The following MDGA2 variants were observed in gnomAD, a reference collection of about 807,000 sequenced individuals.
MDGA2 encodes the protein MAM domain containing glycosylphosphatidylinositol anchor 2, also known as MAM domain-containing glycosylphosphatidylinositol anchor protein 2.
Under a neutral mutation model 117.8 loss-of-function variants are expected in MDGA2, and 40 were observed. That is an observed-to-expected ratio of 0.34 (90% CI 0.26 to 0.44). MDGA2 has a LOEUF of 0.44. Among genes scored for constraint, MDGA2 ranks in the 20% least tolerant of loss-of-function variants. MDGA2 has a pLI of 1.00. For synonymous variants in MDGA2, 452 were observed against 439.0 expected, an observed-to-expected ratio of 1.03 and a Z score of -0.37; for missense variants, 1,123 against 1,250.6, an observed-to-expected ratio of 0.90 and a Z score of 1.54.
chr14:47,651,275 C>T (rs1205747007), intron 1 of MDGA2, among the ~76,000 whole-genome samples: 1 of 150,370 alleles, frequency 6.7e-6, no homozygotes, highest in Admixed American at 6.7e-5. Context: ...CCTATACACA[C>T]ATATCCTATT....
At chr14:47,300,986 C>T (rs917737303) in intron 2 of MDGA2, among the ~76,000 whole-genome samples, 3 of 151,958 alleles carry the variant, frequency 2.0e-5, no homozygotes, top group Admixed American at 2.0e-4. Context: ...TATGTGTGAC[C>T]TCATGCTTCA....
intron 1 of MDGA2, among the ~76,000 whole-genome samples, chr14:47,597,513 T>C (rs1896565920): frequency 6.6e-6 from 1 of 152,062 alleles, no homozygotes; most frequent in South Asian, 2.1e-4. Context: ...TGTCATGGAA[T>C]ACATTAAGTC....
intron 8 of MDGA2, among the ~76,000 whole-genome samples, chr14:47,009,126 T>C (rs978807389): frequency 6.6e-6 from 1 of 152,012 alleles, no homozygotes; most frequent in Admixed American, 6.6e-5. Context: ...AATAAAATGG[T>C]ACAGTATAGC....
intron 9 of MDGA2, among the ~76,000 whole-genome samples, chr14:46,942,671 G>C (rs538458106): frequency 6.6e-6 from 1 of 152,174 alleles, no homozygotes; most frequent in South Asian, 2.1e-4. Flanking sequence ...TGCACTTTCT[G>C]TATTTGGTTC....
chr14:47,247,684 G>A (rs562393357), intron 2 of MDGA2, among the ~76,000 whole-genome samples: 175 of 149,786 alleles, frequency 1.2e-3, no homozygotes, highest in African/African-American at 4.0e-3. Flanking sequence ...GGATACATGT[G>A]CAGAATGTGC....
At position 47,675,556 on chromosome 14, in the gene MDGA2, C is replaced by T. The variant is rs1472876322; in HGVS notation, c.-760G>A. On this transcript the variant is annotated 5_prime_UTR_variant, in exon 1 of 17. Transcript: ENST00000399232. ...TGCTCTGGCCGGCCGCACCAATTCC[C>T]GGAGCCGAAAGCAGAGTCCAGGCAC... Among the ~76,000 whole-genome samples, 1 of 152,122 alleles carries T rather than the reference C, an allele frequency of 6.6e-6. No individual in the cohort carries two copies. The highest frequency in any genetic ancestry group is 2.4e-5 in the African/African-American group (1 of 41,438).
intron 8 of MDGA2, among the ~76,000 whole-genome samples, chr14:46,963,459 G>A (rs1435542802): frequency 6.6e-6 from 1 of 152,232 alleles, no homozygotes; most frequent in East Asian, 1.9e-4. Flanking sequence ...GGTCCTGCAA[G>A]TTCTGGCTCT....
intron 6 of MDGA2, 108 bp downstream of exon 6, chr14:47,096,746 T>A: frequency 9.3e-7 from 1 of 1,078,004 alleles, no homozygotes; most frequent in Non-Finnish European, 1.4e-6. Context: ...TATCTGTATT[T>A]TACAGATACA....
intron 1 of MDGA2, among the ~76,000 whole-genome samples, chr14:47,370,496 T>TTTTTTTTTTTTTTTTTTTTTC (rs1891329334): frequency 9.9e-6 from 1 of 101,076 alleles, no homozygotes; most frequent in Admixed American, 1.1e-4. Flanking sequence ...TTTTTTTTTT[T>TTTTTTTTTTTTTTTTTTTTTC]TTGTGTGTGT....
intron 1 of MDGA2, among the ~76,000 whole-genome samples, chr14:47,487,009 T>A (rs1220240823): frequency 1.3e-5 from 2 of 152,236 alleles, no homozygotes; most frequent in African/African-American, 2.4e-5. Context: ...AGATAGTTTA[T>A]GCATTTATTA....
intron 1 of MDGA2, among the ~76,000 whole-genome samples, chr14:47,403,433 T>C (rs1892196132): frequency 1.3e-5 from 2 of 148,970 alleles, no homozygotes; most frequent in Non-Finnish European, 3.0e-5. Flanking sequence ...ATCACATTCA[T>C]GGTCAATATT....
At chr14:47,602,092 G>C (rs529386851) in intron 1 of MDGA2, among the ~76,000 whole-genome samples, 3 of 152,126 alleles carry the variant, frequency 2.0e-5, no homozygotes, top group Non-Finnish European at 2.9e-5. Flanking sequence ...CTCCTCTCGG[G>C]ACTGAAAACT....
At chr14:47,653,557 C>T (rs905061309) in intron 1 of MDGA2, among the ~76,000 whole-genome samples, 11 of 152,108 alleles carry the variant, frequency 7.2e-5, no homozygotes, top group Admixed American at 7.2e-4. Flanking sequence ...AAACCAGTAA[C>T]AAACCAAACC....
Position 47,061,256 on chromosome 14 carries a change from G to T in MDGA2, c.1518C>A (p.Ser506Arg). 6.2e-7 allele frequency: 1 copy of T among 1,611,912 alleles called. No homozygotes were observed. Among genetic ancestry groups the T allele is most frequent in the Non-Finnish European group, 8.5e-7 (1 of 1,178,342 alleles). ...TAAATATATGCCTCTTACCTGTGCTGCTGGATATATTAACATCGATACTGA... is the reference window on the plus strand; with the variant it reads ...TAAATATATGCCTCTTACCTGTGCTTCTGGATATATTAACATCGATACTGA... Reference protein sequence around the residue: ...SDISIDVNISSSTVPPNLTVP... With the variant: ...SDISIDVNISRSTVPPNLTVP... Residue 506 changes from serine to arginine, a missense_variant, in exon 7 of 17, where the codon AGC (serine) becomes AGA (arginine). By Grantham distance (110) the Ser-to-Arg change is moderately radical. This residue lies in a region of MDGA2 where 890 missense variants were observed against 1,050.3 expected (regional missense o/e 0.85). Coordinates refer to ENST00000399232, the MANE Select transcript of MDGA2 (RefSeq NM_001113498.3).
In MDGA2 at chr14:47,494,875, ATT is replaced by A. The variant is rs1491370163; in HGVS notation, c.280+179640_280+179641del. Among the ~76,000 whole-genome samples the A allele has an allele frequency of 4.5e-4, 48 of 105,782 alleles. 1 individual carries two copies. The highest frequency in any genetic ancestry group is 1.5e-3 in the African/African-American group (45 of 30,870). The allele number at this position is 105,782 out of a possible 152,430, so 69.4% of individuals were successfully genotyped here. A position where few individuals can be genotyped will look rare whatever the true frequency, so the allele number is the denominator to read the frequency against. The stretch of plus-strand genomic sequence containing the variant: ...ACTGTTGACTGAATTTTAAAATGTG[ATT>A]ATATATATATATATATGTAAAATAT... On this transcript the variant is annotated intron_variant, in intron 1 of 16. Coordinates refer to ENST00000399232, the MANE Select transcript of MDGA2 (RefSeq NM_001113498.3).
chr14:47,546,142 T>C (rs1245729068), intron 1 of MDGA2, among the ~76,000 whole-genome samples: 2 of 152,090 alleles, frequency 1.3e-5, no homozygotes, highest in East Asian at 3.8e-4. Context: ...GAAGAGAAGT[T>C]ACAGATGGGG....
intron 1 of MDGA2, among the ~76,000 whole-genome samples, chr14:47,640,095 T>C (rs377467963): frequency 3.3e-5 from 5 of 152,326 alleles, no homozygotes; most frequent in African/African-American, 1.2e-4. Flanking sequence ...CTCTCTTGAC[T>C]GGGAGCGTCT....
At chr14:46,918,063 A>G (rs962843589) in intron 10 of MDGA2, among the ~76,000 whole-genome samples, 4 of 152,222 alleles carry the variant, frequency 2.6e-5, no homozygotes, top group African/African-American at 4.8e-5. Flanking sequence ...GGTAAATTCT[A>G]TGAACTTAAA....
At chr14:47,162,087 A>C (rs2139280082) in intron 3 of MDGA2, among the ~76,000 whole-genome samples, 1 of 151,656 alleles carries the variant, frequency 6.6e-6, no homozygotes, top group East Asian at 1.9e-4. Flanking sequence ...CTGGGACTAC[A>C]GGTGCTTGCC....
Sources: gnomAD v4.1 joint callset for allele counts (sites outside exome capture counted in the v4.1 genomes callset) on GRCh38, gnomAD v4.1.1 for gene constraint, gnomAD v4.1.1 regional missense constraint, MANE v1.5 for transcripts, NCBI Gene and HGNC (gene_info 2026-07-23, HGNC 2026-07-21) for gene names.